ARID1B: variants seen among roughly 807,000 people sequenced by gnomAD.
The protein encoded by ARID1B is AT-rich interaction domain 1B.
ARID1B carries 30 observed loss-of-function variants against 212.3 expected under a neutral mutation model. That is an observed-to-expected ratio of 0.14 (90% CI 0.11 to 0.19). The LOEUF is 0.19. Among genes scored for constraint, ARID1B ranks in the 10% least tolerant of loss-of-function variants. The pLI is 1.00. For missense variants in ARID1B, 2,891 were observed against 3,204.0 expected, an observed-to-expected ratio of 0.90 and a Z score of 2.36; for synonymous variants, 1,402 against 1,301.7, an observed-to-expected ratio of 1.08 and a Z score of -1.66.
chr6:156,952,375 C>G (rs1174495155), intron 4 of ARID1B, among the ~76,000 whole-genome samples: 2 of 152,200 alleles, frequency 1.3e-5, no homozygotes, highest in Admixed American at 1.3e-4. Context: ...AACTTACTGA[C>G]TTTGAATACG....
Position 157,201,248 on chromosome 6 carries a change from A to G in ARID1B, c.5023A>G (p.Arg1675Gly), listed in dbSNP as rs2128375455. The change falls in exon 18 of 20, where the codon AGG becomes GGG. Residue 1675 changes from arginine to glycine, a missense_variant. By Grantham distance (125) the Arg-to-Gly change is moderately radical. This residue lies in a region of ARID1B where 666 missense variants were observed against 873.5 expected (regional missense o/e 0.76). Coordinates refer to ENST00000636930, the MANE Select transcript of ARID1B (RefSeq NM_001374828.1). The surrounding 1 kb of genome is among the most constrained non-coding windows in gnomAD (Gnocchi z 5.2). ...TPPSLPNHIS[R>G]APSPASFQRS... ...ACCGTCACTGCCAAATCACATCTCC[A>G]GGGCGCCCAGCCCAGCGTCCTTCCA... 3 of 1,613,754 alleles carry G rather than the reference A, an allele frequency of 1.9e-6. No homozygotes were observed. The highest frequency in any genetic ancestry group is 2.5e-6 in the Non-Finnish European group (3 of 1,179,908).
At chr6:156,818,630 A>G (rs1416254453) in intron 1 of ARID1B, among the ~76,000 whole-genome samples, 1 of 152,220 alleles carries the variant, frequency 6.6e-6, no homozygotes, top group Non-Finnish European at 1.5e-5. Flanking sequence ...TTAACATTTC[A>G]TGGCTAGTCA....
intron 4 of ARID1B, chr6:156,943,594 C>A (rs1320873339): frequency 6.6e-6 from 1 of 151,956 alleles, no homozygotes; most frequent in African/African-American, 2.4e-5. Context: ...GATTGAGATA[C>A]CATTTACATT....
intron 4 of ARID1B, among the ~76,000 whole-genome samples, chr6:157,069,183 G>A (rs764317233): frequency 6.6e-6 from 1 of 152,060 alleles, no homozygotes; most frequent in South Asian, 2.1e-4. Flanking sequence ...AAGAATTGAT[G>A]ATGTCTAGTT....
At chr6:157,062,105 C>T (rs1220521807) in intron 4 of ARID1B, among the ~76,000 whole-genome samples, 2 of 152,118 alleles carry the variant, frequency 1.3e-5, no homozygotes, top group East Asian at 1.9e-4. Context: ...CATGATAAGC[C>T]GAATCTACTT....
At chr6:156,843,049 C>A (rs562243873) in intron 2 of ARID1B, among the ~76,000 whole-genome samples, 3 of 152,302 alleles carry the variant, frequency 2.0e-5, no homozygotes, top group Non-Finnish European at 4.4e-5. Flanking sequence ...ACCTGGAGTT[C>A]TAGAGTAGGG....
At chr6:156,865,550 C>T (rs1785625578) in intron 2 of ARID1B, among the ~76,000 whole-genome samples, 1 of 152,112 alleles carries the variant, frequency 6.6e-6, no homozygotes, top group Non-Finnish European at 1.5e-5. Flanking sequence ...CATTTTAGTT[C>T]ATTTCCCCAC....
At position 157,210,002 on chromosome 6, in the gene ARID1B, G is replaced by A. The variant is rs1398555608; in HGVS notation, c.*2111G>A. ...CCCAGCCCCTCGCATACATTGTGTC[G>A]GTTCACATTACTCACAGTAATATAT... On this transcript the variant is annotated 3_prime_UTR_variant, in exon 20 of 20. Coordinates refer to ENST00000636930, the MANE Select transcript of ARID1B (RefSeq NM_001374828.1). The A allele has an allele frequency of 8.6e-6, 2 of 232,896 alleles. No homozygotes were observed. Among genetic ancestry groups the A allele is most frequent in the East Asian group, 6.0e-5 (1 of 16,572 alleles). 14.4% of individuals were successfully genotyped at this position (232,896 alleles called of 1,614,324 possible).
chr6:157,204,297 C>T (rs958643366), intron 19 of ARID1B: 2 of 208,340 alleles, frequency 9.6e-6, no homozygotes, highest in African/African-American at 2.3e-5. Context: ...TGAATATTAG[C>T]TGGCCAATGG....
chr6:157,096,236 TTTC>T (rs1785623724), intron 5 of ARID1B, among the ~76,000 whole-genome samples: 1 of 152,210 alleles, frequency 6.6e-6, no homozygotes, highest in African/African-American at 2.4e-5. Context: ...TGAGAGCCTC[TTTC>T]TTCTTTTTGT....
At chr6:156,973,990 G>A (rs3734438) in intron 4 of ARID1B, among the ~76,000 whole-genome samples, 4,085 of 152,214 alleles carry the variant, frequency 0.027, 262 homozygotes, top group East Asian at 0.25. Context: ...GCTAATTTAG[G>A]TGTGATTTCC....
chr6:157,177,279 T>C (rs1298349625), intron 11 of ARID1B, among the ~76,000 whole-genome samples: 2 of 152,224 alleles, frequency 1.3e-5, no homozygotes, highest in Non-Finnish European at 2.9e-5. Flanking sequence ...AAACAGCCAC[T>C]TTTTTGAATG....
Position 156,852,150 on chromosome 6 carries a change from A to T in ARID1B, c.1986+22729A>T, listed in dbSNP as rs984998523. Reference sequence around the variant, plus strand: ...TCTGTGTTTAAGTCTCTTTTGACTTAAAAAAAAAAATTTGAGGCCGGGCGC... The same window carrying T: ...TCTGTGTTTAAGTCTCTTTTGACTTTAAAAAAAAAATTTGAGGCCGGGCGC... On this transcript the variant is annotated intron_variant, in intron 2 of 19. Transcript: ENST00000636930. 2.7e-5 allele frequency among the ~76,000 whole-genome samples: 4 copies of T among 148,772 alleles called. No individual in the cohort carries two copies. In the East Asian group the frequency reaches 7.8e-4, roughly 29 times the overall value.
At chr6:156,816,540 A>C (rs1381791173) in intron 1 of ARID1B, among the ~76,000 whole-genome samples, 1 of 152,246 alleles carries the variant, frequency 6.6e-6, no homozygotes, top group Non-Finnish European at 1.5e-5. Context: ...AATGAGTTGC[A>C]GTTGATGGTG....
intron 2 of ARID1B, among the ~76,000 whole-genome samples, chr6:156,849,720 G>A (rs1784459046): frequency 6.6e-6 from 1 of 152,004 alleles, no homozygotes; most frequent in Admixed American, 6.6e-5. Flanking sequence ...TTTCTGTGCT[G>A]GGGAGGATAG....
In ARID1B at chr6:157,144,955, C is replaced by T. The variant is rs79648721; in HGVS notation, c.2762-3669C>T. 4.3e-3 allele frequency among the ~76,000 whole-genome samples: 649 copies of T among 152,278 alleles called. 8 individuals carry two copies. The East Asian group carries it at 0.054, about 13-fold the overall frequency. ...GTGCAAAAGCAGTGCCTCTTCACGC[C>T]GAAGCAGTTTGCCTTTAAGGAGCTG... On this transcript the variant is annotated intron_variant, in intron 7 of 19. Coordinates refer to ENST00000636930, the MANE Select transcript of ARID1B (RefSeq NM_001374828.1).
intron 1 of ARID1B, among the ~76,000 whole-genome samples, chr6:156,787,921 G>C (rs1779753962): frequency 6.6e-6 from 1 of 152,090 alleles, no homozygotes; most frequent in Non-Finnish European, 1.5e-5. Context: ...TCCTTACCTG[G>C]AATGTTGGCT....
intron 5 of ARID1B, among the ~76,000 whole-genome samples, chr6:157,093,069 C>G (rs945794859): frequency 6.6e-6 from 1 of 152,094 alleles, no homozygotes; most frequent in African/African-American, 2.4e-5. Flanking sequence ...GGCATTGACC[C>G]GCTGCCTTCT....
rs1428898876 is a variant in ARID1B at position 157,148,872 on chromosome 6, C to G, written c.3010C>G (p.Pro1004Ala). Residue 1004 changes from proline to alanine, a missense_variant, in exon 8 of 20, where the codon CCA becomes GCA. This residue lies in a region of ARID1B where 1,643 missense variants were observed against 1,544.0 expected (regional missense o/e 1.06). Transcript: ENST00000636930. The surrounding 1 kb of genome is among the most constrained non-coding windows in gnomAD (Gnocchi z 5.6). The part of the protein sequence containing the change: ...SQQGGPGMGP[P>A]MPTVNRKAQE... ...GCAGGGAGGGCCAGGAATGGGGCCG[C>G]CAATGCCAACTGTGAACCGTAAGGC... The G allele has an allele frequency of 1.9e-6, 3 of 1,612,828 alleles. No individual in the cohort carries two copies. The highest frequency in any genetic ancestry group is 2.5e-6 in the Non-Finnish European group (3 of 1,180,000).
Sources: gnomAD v4.1 joint callset for allele counts (sites outside exome capture counted in the v4.1 genomes callset) on GRCh38, gnomAD v4.1.1 for gene constraint, gnomAD v4.1.1 regional missense constraint, Gnocchi (gnomAD v3.1) non-coding constraint, MANE v1.5 for transcripts, NCBI Gene and HGNC (gene_info 2026-07-23, HGNC 2026-07-21) for gene names.